Variants in MGLL observed in about 807,000 individuals in gnomAD.
MGLL encodes the protein lysophospholipase homolog.
MGLL carries 7 observed loss-of-function variants against 29.1 expected under a neutral mutation model. That is an observed-to-expected ratio of 0.24 (90% CI 0.14 to 0.45). The LOEUF is 0.45. MGLL is among the 20% of genes least tolerant of loss of function. MGLL has a pLI of 0.99. For missense variants in MGLL, 356 were observed against 413.6 expected, an observed-to-expected ratio of 0.86 and a Z score of 1.21; for synonymous variants, 148 against 168.3, an observed-to-expected ratio of 0.88 and a Z score of 0.93.
chr3:127,748,136 G>A lies in MGLL; in HGVS notation c.263-25570C>T, dbSNP rs141562174. Among the ~76,000 whole-genome samples, 77 of 152,248 alleles carry A rather than the reference G, an allele frequency of 5.1e-4. 1 individual carries two copies. The East Asian group carries it at 0.01, about 20-fold the overall frequency. On this transcript the variant is annotated intron_variant, in intron 3 of 7. Transcript: ENST00000265052. ...AAACAAATATAAAACAACTTGCAAC[G>A]CCCCTCACTGGATCTGACTAACACG... is the stretch of plus-strand genomic sequence containing the variant.
chr3:127,785,420 G>T (rs536759943), intron 2 of MGLL, among the ~76,000 whole-genome samples: 1 of 152,258 alleles, frequency 6.6e-6, no homozygotes, highest in Non-Finnish European at 1.5e-5. Flanking sequence ...ACCACTGGAT[G>T]CTGGGCACTG....
chr3:127,721,180 G>A lies in MGLL; in HGVS notation c.400-17C>T. 1 of 1,606,720 alleles carries A rather than the reference G, an allele frequency of 6.2e-7. No individual in the cohort carries two copies. Among genetic ancestry groups the A allele is most frequent in the Non-Finnish European group, 8.5e-7 (1 of 1,173,480 alleles). ...GGCGCCTCCCTGTAATGCAGAATGG[G>A]CAGAGCTGCTGTGTTCGGCTTGCAC... On this transcript the variant is annotated splice_polypyrimidine_tract_variant and intron_variant, in intron 4 of 7. Transcript: ENST00000265052.
intron 2 of MGLL, among the ~76,000 whole-genome samples, chr3:127,785,519 G>A (rs541319230): frequency 8.1e-4 from 123 of 152,370 alleles, no homozygotes; most frequent in African/African-American, 2.8e-3. Context: ...GAGAAACCCA[G>A]ATGTGGAGGA....
chr3:127,760,064 G>A (rs762829689), intron 3 of MGLL, among the ~76,000 whole-genome samples: 16 of 152,220 alleles, frequency 1.1e-4, no homozygotes, highest in Non-Finnish European at 1.5e-4. Flanking sequence ...GTGTAGCAGG[G>A]AGAGCGCTGG....
intron 3 of MGLL, among the ~76,000 whole-genome samples, chr3:127,746,630 G>C (rs2076448892): frequency 1.3e-5 from 2 of 152,090 alleles, no homozygotes; most frequent in African/African-American, 4.8e-5. Context: ...TGCACCCCCT[G>C]TCTTTGTGGG....
Position 127,691,153 on chromosome 3 carries a change from C to T in MGLL, c.*1045G>A, listed in dbSNP as rs1455697929. ...ATAGCCCCATAGGGTGCCACTGCTCCATGGTCCCTGGTGGGCAGGAAGAGC... is the reference window on the plus strand; with the variant it reads ...ATAGCCCCATAGGGTGCCACTGCTCTATGGTCCCTGGTGGGCAGGAAGAGC... On this transcript the variant is annotated 3_prime_UTR_variant, in exon 8 of 8. Coordinates refer to ENST00000265052, the MANE Select transcript of MGLL (RefSeq NM_007283.7). 6.5e-6 allele frequency: 1 copy of T among 152,694 alleles called. No individual in the cohort carries two copies. Among genetic ancestry groups the T allele is most frequent in the African/African-American group, 2.4e-5 (1 of 41,456 alleles). The allele number at this position is 152,694 out of a possible 1,614,324, so 9.5% of individuals were successfully genotyped here.
intron 2 of MGLL, among the ~76,000 whole-genome samples, chr3:127,792,571 C>T (rs1201838141): frequency 2.6e-5 from 4 of 152,168 alleles, no homozygotes; most frequent in African/African-American, 4.8e-5. Flanking sequence ...GGTGTTGTGG[C>T]ACACGCCTGT....
chr3:127,763,255 T>C (rs183078012), intron 3 of MGLL, among the ~76,000 whole-genome samples: 23 of 152,186 alleles, frequency 1.5e-4, no homozygotes, highest in African/African-American at 4.8e-4. Flanking sequence ...CTCCGGAGGG[T>C]ACATCATCTC....
At chr3:127,738,875 G>A (rs2076288921) in intron 3 of MGLL, among the ~76,000 whole-genome samples, 1 of 152,212 alleles carries the variant, frequency 6.6e-6, no homozygotes, top group South Asian at 2.1e-4. Context: ...AAATGAAAAA[G>A]CAGAAAAACT....
At chr3:127,794,680 C>A (rs183170909) in intron 2 of MGLL, among the ~76,000 whole-genome samples, 2 of 152,014 alleles carry the variant, frequency 1.3e-5, no homozygotes, top group African/African-American at 4.8e-5. Context: ...CTATCTTCCA[C>A]GATGTGGAAC....
intron 2 of MGLL, among the ~76,000 whole-genome samples, chr3:127,791,583 A>C (rs963156156): frequency 1.3e-5 from 2 of 152,238 alleles, no homozygotes; most frequent in African/African-American, 4.8e-5. Context: ...ACTGAACTCC[A>C]TAATTATATC....
chr3:127,821,935 T>C, intron 1 of MGLL, 97 bp from the exon 2 acceptor site: 1 of 1,374,890 alleles, frequency 7.3e-7, no homozygotes, highest in Non-Finnish European at 9.9e-7. Flanking sequence ...AACATTTTTT[T>C]AAAAGCAGTT....
At chr3:127,812,575 T>G (rs1290342497) in intron 2 of MGLL, among the ~76,000 whole-genome samples, 1 of 152,146 alleles carries the variant, frequency 6.6e-6, no homozygotes, top group Non-Finnish European at 1.5e-5. Flanking sequence ...TCATACTGGG[T>G]CCTCTGTGAC....
intron 2 of MGLL, among the ~76,000 whole-genome samples, chr3:127,798,190 C>A (rs1256319437): frequency 6.6e-6 from 1 of 152,222 alleles, no homozygotes; most frequent in African/African-American, 2.4e-5. Flanking sequence ...CCTGCAGGAG[C>A]AACCCACTGT....
intron 3 of MGLL, among the ~76,000 whole-genome samples, chr3:127,776,152 T>C (rs1193027800): frequency 1.3e-5 from 2 of 152,188 alleles, no homozygotes; most frequent in African/African-American, 4.8e-5. Flanking sequence ...GCCCCTCTCC[T>C]GAGGATCTCC....
intron 3 of MGLL, among the ~76,000 whole-genome samples, chr3:127,758,773 T>C (rs1281415377): frequency 6.6e-6 from 1 of 152,202 alleles, no homozygotes; most frequent in Non-Finnish European, 1.5e-5. Context: ...TTTCATATCA[T>C]GACAAGCAAT....
chr3:127,701,747 C>T (rs1329254676), intron 6 of MGLL, among the ~76,000 whole-genome samples: 1 of 152,172 alleles, frequency 6.6e-6, no homozygotes, highest in Non-Finnish European at 1.5e-5. Context: ...TGTGTGTCAT[C>T]CCCAGACCCC....
At chr3:127,708,117 T>C (rs1043284451) in intron 6 of MGLL, among the ~76,000 whole-genome samples, 11 of 152,224 alleles carry the variant, frequency 7.2e-5, no homozygotes, top group African/African-American at 2.7e-4. Context: ...CAGGGTTCCA[T>C]GGGAAATGTC....
intron 3 of MGLL, among the ~76,000 whole-genome samples, chr3:127,730,238 C>T (rs1457039433): frequency 6.6e-6 from 1 of 152,146 alleles, no homozygotes; most frequent in East Asian, 1.9e-4. Context: ...ATCTCCCTGC[C>T]CAACCCCAGG....
Sources: gnomAD v4.1 joint callset for allele counts (sites outside exome capture counted in the v4.1 genomes callset) on GRCh38, gnomAD v4.1.1 for gene constraint, MANE v1.5 for transcripts, NCBI Gene and HGNC (gene_info 2026-07-23, HGNC 2026-07-21) for gene names.